FILIP1L: variants seen among roughly 807,000 people sequenced by gnomAD.
FILIP1L encodes the protein filamin A interacting protein 1 like, also known as filamin A-interacting protein 1-like.
FILIP1L carries 55 observed loss-of-function variants against 96.6 expected under a neutral mutation model. The ratio of observed to expected loss-of-function variants is 0.57; its 90% confidence interval spans 0.46 to 0.71. The LOEUF is 0.71. Among genes scored for constraint, FILIP1L ranks in the 30% least tolerant of loss-of-function variants. The pLI is 0.00. For missense variants in FILIP1L, 1,304 were observed against 1,321.2 expected, an observed-to-expected ratio of 0.99 and a Z score of 0.20; for synonymous variants, 467 against 473.9, an observed-to-expected ratio of 0.99 and a Z score of 0.19.
intron 1 of FILIP1L, among the ~76,000 whole-genome samples, chr3:99,991,919 T>A (rs1709528473): frequency 6.7e-6 from 1 of 149,732 alleles, no homozygotes; most frequent in Non-Finnish European, 1.5e-5. Flanking sequence ...TATATAGGTA[T>A]ATATACACAC....
intron 1 of FILIP1L, among the ~76,000 whole-genome samples, chr3:100,096,505 A>G (rs1318840885): frequency 2.0e-5 from 3 of 152,174 alleles, no homozygotes; most frequent in Non-Finnish European, 4.4e-5. Flanking sequence ...GAAATAAGCC[A>G]CGCACAAAAA....
chr3:99,905,913 C>A (rs1166213135), intron 4 of FILIP1L, among the ~76,000 whole-genome samples: 1 of 152,166 alleles, frequency 6.6e-6, no homozygotes, highest in African/African-American at 2.4e-5. Flanking sequence ...GCCTTTCTGG[C>A]CAGGCGCAGT....
intron 1 of FILIP1L, among the ~76,000 whole-genome samples, chr3:100,112,171 C>G (rs567264400): frequency 2.0e-5 from 3 of 152,252 alleles, no homozygotes; most frequent in South Asian, 2.1e-4. Flanking sequence ...TAGTTCTACT[C>G]TAAGGAAAAT....
chr3:100,105,117 C>T (rs576498195), intron 1 of FILIP1L, among the ~76,000 whole-genome samples: 28 of 152,244 alleles, frequency 1.8e-4, no homozygotes, highest in Non-Finnish European at 3.1e-4. Context: ...CACAAGTAAG[C>T]ATTGTTTAAG....
intron 4 of FILIP1L, among the ~76,000 whole-genome samples, chr3:99,921,951 A>G (rs933147539): frequency 6.6e-6 from 1 of 152,108 alleles, no homozygotes; most frequent in Admixed American, 6.5e-5. Context: ...CTGCCTCCCA[A>G]CATTCCAGTA....
chr3:99,869,633 C>G (rs1225111102), intron 4 of FILIP1L, among the ~76,000 whole-genome samples: 1 of 152,132 alleles, frequency 6.6e-6, no homozygotes. Context: ...CATGTTCTCT[C>G]TAGGCTCCTG....
Position 99,850,408 on chromosome 3 carries a change from C to T in FILIP1L, c.1268G>A (p.Arg423Lys). ...FKLEVEKLSK[R>K]IMALEKLEDA... Reference sequence around the variant, plus strand: ...TTCTAACTTTTCCAGAGCCATAATTCTTTTACTGAGTTTTTCAACCTCTAG... The same window carrying T: ...TTCTAACTTTTCCAGAGCCATAATTTTTTTACTGAGTTTTTCAACCTCTAG... The change falls in exon 5 of 6, where the codon AGA (arginine) becomes AAA (lysine). Residue 423 changes from arginine (R) to lysine (K), a missense_variant. Arg to Lys is a conservative substitution (Grantham distance 26). Coordinates refer to ENST00000477258, the MANE Select transcript of FILIP1L (RefSeq NM_001387850.1). The T allele has an allele frequency of 6.2e-7, 1 of 1,613,834 alleles. No homozygotes were observed. The highest frequency in any genetic ancestry group is 8.5e-7 in the Non-Finnish European group (1 of 1,179,942).
rs9830038 is a variant in FILIP1L at position 99,916,743 on chromosome 3, T to G, written c.605+7487A>C. On this transcript the variant is annotated intron_variant, in intron 4 of 5. Coordinates refer to ENST00000477258, the MANE Select transcript of FILIP1L (RefSeq NM_001387850.1). ...CTTCATGGTCCATGCTCCACGTTTG[T>G]TGTTCTAACTCGAGTCTATGCTTTT... Among the ~76,000 whole-genome samples the G allele has an allele frequency of 6.1e-3, 930 of 152,290 alleles. 10 individuals are homozygous for G. Among genetic ancestry groups the G allele is most frequent in the African/African-American group, 0.021 (879 of 41,548 alleles).
intron 1 of FILIP1L, among the ~76,000 whole-genome samples, chr3:99,974,476 G>A (rs1247778569): frequency 1.3e-5 from 2 of 152,164 alleles, no homozygotes; most frequent in South Asian, 2.1e-4. Flanking sequence ...TTGGGAGGCC[G>A]AGGCAGGTGG....
At chr3:99,930,096 G>T in intron 2 of FILIP1L, 67 bp from the exon 3 acceptor site, 1 of 1,327,138 alleles carries the variant, frequency 7.5e-7, no homozygotes, top group Non-Finnish European at 1.0e-6. Flanking sequence ...AGTGATTTTT[G>T]TGATAGTTGG....
chr3:99,833,947 TG>T (rs1360152037), intron 5 of FILIP1L, among the ~76,000 whole-genome samples: 4 of 152,276 alleles, frequency 2.6e-5, no homozygotes, highest in Admixed American at 6.5e-5. Flanking sequence ...GCAATGATGA[TG>T]GATATGGTGA....
chr3:99,850,638 T>G lies in FILIP1L; in HGVS notation c.1038A>C (p.Lys346Asn). ...ELEETNRSLR[K>N]AEEELQDIKE... ...TTATATCTTGCAGCTCCTCTTCTGCTTTTCGTAAAGACCTGTTTGTCTCTT... is the reference window on the plus strand; with the variant it reads ...TTATATCTTGCAGCTCCTCTTCTGCGTTTCGTAAAGACCTGTTTGTCTCTT... Residue 346 changes from lysine (K) to asparagine (N), a missense_variant, in exon 5 of 6, where the codon AAA (lysine) becomes AAC (asparagine). Coordinates refer to ENST00000477258, the MANE Select transcript of FILIP1L (RefSeq NM_001387850.1). 1 of 1,614,090 alleles carries G rather than the reference T, an allele frequency of 6.2e-7. No homozygotes were observed. Among genetic ancestry groups the G allele is most frequent in the Non-Finnish European group, 8.5e-7 (1 of 1,180,016 alleles).
intron 1 of FILIP1L, among the ~76,000 whole-genome samples, chr3:100,007,756 A>G (rs1263539660): frequency 1.3e-5 from 2 of 152,016 alleles, no homozygotes; most frequent in Non-Finnish European, 2.9e-5. Context: ...ACTGTTACCA[A>G]TTGTGATATA....
chr3:99,850,949 C>A lies in FILIP1L; in HGVS notation c.727G>T (p.Val243Leu), dbSNP rs185085774. 2.5e-6 allele frequency: 4 copies of A among 1,614,206 alleles called. No individual in the cohort carries two copies. In the Admixed American group the frequency reaches 6.7e-5, roughly 27 times the overall value. Reference sequence around the variant, plus strand: ...GCCGTCAGCCTTTGCTGTTCATCCACCACCATCAAAGCAAAAGACTTCAGC... The same window carrying A: ...GCCGTCAGCCTTTGCTGTTCATCCAACACCATCAAAGCAAAAGACTTCAGC... ...TKLKSFALMVVDEQQRLTAQL... is the reference protein window; with the variant it reads ...TKLKSFALMVLDEQQRLTAQL... Residue 243 changes from valine (V) to leucine (L), a missense_variant, in exon 5 of 6, where the codon GTG becomes TTG. Val to Leu is a conservative substitution (Grantham distance 32, BLOSUM62 1). Coordinates refer to ENST00000477258, the MANE Select transcript of FILIP1L (RefSeq NM_001387850.1).
chr3:100,022,234 C>T (rs1356735495), intron 1 of FILIP1L, among the ~76,000 whole-genome samples: 5 of 152,132 alleles, frequency 3.3e-5, no homozygotes, highest in Non-Finnish European at 5.9e-5. Context: ...AGATGTCAAA[C>T]GTCAAACACA....
chr3:99,929,425 C>T (rs2107660927), intron 3 of FILIP1L, among the ~76,000 whole-genome samples: 1 of 152,276 alleles, frequency 6.6e-6, no homozygotes, highest in Middle Eastern at 3.4e-3. Flanking sequence ...ATTTCTATGA[C>T]ATAATACCTC....
At chr3:99,940,548 C>T (rs2107675706) in intron 1 of FILIP1L, among the ~76,000 whole-genome samples, 1 of 152,328 alleles carries the variant, frequency 6.6e-6, no homozygotes, top group African/African-American at 2.4e-5. Context: ...ATGCCCTGAG[C>T]CAACACCAGA....
At chr3:99,908,479 C>T (rs1706691232) in intron 4 of FILIP1L, among the ~76,000 whole-genome samples, 1 of 152,166 alleles carries the variant, frequency 6.6e-6, no homozygotes, top group South Asian at 2.1e-4. Context: ...GGAATCTATA[C>T]TTTTAAGTGT....
chr3:99,946,014 A>T (rs188529494), intron 1 of FILIP1L, among the ~76,000 whole-genome samples: 2 of 152,276 alleles, frequency 1.3e-5, no homozygotes, highest in African/African-American at 4.8e-5. Flanking sequence ...CAGTTGGTAG[A>T]TGTATTTCTA....
Sources: gnomAD v4.1 joint callset for allele counts (sites outside exome capture counted in the v4.1 genomes callset) on GRCh38, gnomAD v4.1.1 for gene constraint, MANE v1.5 for transcripts, NCBI Gene and HGNC (gene_info 2026-07-23, HGNC 2026-07-21) for gene names.